Variants in SLC28A1 observed in about 807,000 individuals in gnomAD.
SLC28A1 encodes the protein sodium/nucleoside cotransporter 1.
A neutral mutation model predicts 74.8 loss-of-function variants in SLC28A1; 64 were observed. That is an observed-to-expected ratio of 0.86 (90% CI 0.70 to 1.05). The LOEUF is 1.05. SLC28A1 is among the 50% of genes least tolerant of loss of function. SLC28A1 has a pLI of 0.00. For missense variants in SLC28A1, 828 were observed against 822.8 expected (o/e 1.01, Z -0.08); for synonymous variants, 359 against 335.0 (o/e 1.07, Z -0.78).
At chr15:84,952,712 C>G in the SLC28A1 span, among the ~76,000 whole-genome samples, 5 of 152,194 alleles carry the variant, frequency 3.3e-5, no homozygotes, top group Non-Finnish European at 7.4e-5. Context: ...ATGGTGAAAC[C>G]AAGTCTCTAC....
chr15:84,957,726 G>A, the SLC28A1 span, among the ~76,000 whole-genome samples: 2 of 152,162 alleles, frequency 1.3e-5, no homozygotes, highest in African/African-American at 4.8e-5. Flanking sequence ...TAGCTTTGTA[G>A]GAAGGTTTGG....
the SLC28A1 span, among the ~76,000 whole-genome samples, chr15:84,970,151 A>C: frequency 1.3e-5 from 2 of 152,198 alleles, no homozygotes; most frequent in African/African-American, 4.8e-5. Context: ...TGCCATCCCC[A>C]GGTGCTAGCA....
chr15:84,930,841 C>G (rs1971185162), intron 12 of SLC28A1, among the ~76,000 whole-genome samples: 1 of 151,774 alleles, frequency 6.6e-6, no homozygotes, highest in Non-Finnish European at 1.5e-5. Context: ...GCGATCTCGG[C>G]TCATTGCAAC....
intron 15 of SLC28A1, chr15:84,939,550 A>G (rs929599317): frequency 7.2e-5 from 11 of 152,120 alleles, no homozygotes; most frequent in Non-Finnish European, 1.2e-4. Flanking sequence ...TATTTTCTAC[A>G]TATACTTTTC....
At chr15:84,930,893 C>G (rs1057503742) in intron 12 of SLC28A1, among the ~76,000 whole-genome samples, 2 of 152,004 alleles carry the variant, frequency 1.3e-5, no homozygotes, top group African/African-American at 2.4e-5. Context: ...CCTCAGCCTC[C>G]CGAGTAGCTG....
intron 15 of SLC28A1, among the ~76,000 whole-genome samples, chr15:84,939,296 G>A (rs1470698256): frequency 6.6e-6 from 1 of 152,054 alleles, no homozygotes. Flanking sequence ...CTCTAGCCTA[G>A]GTGACAGAGT....
chr15:84,892,106 G>A (rs558393794), intron 5 of SLC28A1, among the ~76,000 whole-genome samples: 1 of 152,196 alleles, frequency 6.6e-6, no homozygotes, highest in Admixed American at 6.5e-5. Context: ...GGAGGATGTA[G>A]TGGGAGGCTG....
Position 84,935,352 on chromosome 15 carries a change from C to G in SLC28A1, c.1415C>G (p.Ala472Gly), listed in dbSNP as rs757504155. The change falls in exon 15 of 19, where the codon GCC becomes GGC. Residue 472 changes from alanine (A) to glycine (G), a missense_variant. Ala to Gly is a moderately conservative substitution (Grantham distance 60, BLOSUM62 0). Coordinates refer to ENST00000394573, the MANE Select transcript of SLC28A1 (RefSeq NM_004213.5). Reference sequence around the variant, plus strand: ...TGCTCCTACATCCTGCGGCCTGTAGCCTTCTTGATGGGTGTGGCGTGGGAG... The same window carrying G: ...TGCTCCTACATCCTGCGGCCTGTAGGCTTCTTGATGGGTGTGGCGTGGGAG... Reference protein sequence around the residue: ...LICSYILRPVAFLMGVAWEDC... With the variant: ...LICSYILRPVGFLMGVAWEDC... The G allele has an allele frequency of 3.7e-6, 6 of 1,614,228 alleles. No individual in the cohort carries two copies. The South Asian group carries it at 6.6e-5, about 18-fold the overall frequency.
Position 84,924,086 on chromosome 15 carries a change from G to A in SLC28A1, c.1059G>A (p.Leu353=), listed in dbSNP as rs773443009. 1 of 1,613,682 alleles carries A rather than the reference G, an allele frequency of 6.2e-7. No individual in the cohort carries two copies. Among genetic ancestry groups the A allele is most frequent in the East Asian group, 2.2e-5 (1 of 44,824 alleles). Residue 353 remains leucine (L), a synonymous_variant, in exon 12 of 19, where the codon CTG becomes CTA. Transcript: ENST00000394573. ...GTTACGCCACCATTGCTGGCAGCCT[G>A]CTGGGTGCCTACATCTCCTTTGGGG... The part of the protein sequence containing the change: ...TGGYATIAGS[L]LGAYISFGID...
chr15:84,944,566 C>T lies in SLC28A1; in HGVS notation c.1664C>T (p.Thr555Ile), dbSNP rs1489614255. 1 of 1,611,318 alleles carries T rather than the reference C, an allele frequency of 6.2e-7. No homozygotes were observed. Among genetic ancestry groups the T allele is most frequent in the Admixed American group, 1.7e-5 (1 of 60,024 alleles). The change falls in exon 17 of 19, where the codon ACC becomes ATC. Residue 555 changes from threonine (T) to isoleucine (I), a missense_variant and splice_region_variant. This residue lies in a region of SLC28A1 where 767 missense variants were observed against 753.5 expected (regional missense o/e 1.02). Coordinates refer to ENST00000394573, the MANE Select transcript of SLC28A1 (RefSeq NM_004213.5). ...SSIGIMLGGL[T>I]SMVPQRKSDF... The stretch of plus-strand genomic sequence containing the variant: ...CCTGAGCACTTCTGTCCCCTTGCAG[C>T]CTCCATGGTCCCCCAACGGAAGAGC...
chr15:84,888,506 T>G (rs1453605373), intron 3 of SLC28A1, among the ~76,000 whole-genome samples: 1 of 151,856 alleles, frequency 6.6e-6, no homozygotes, highest in Non-Finnish European at 1.5e-5. Flanking sequence ...CCTCGGCCCC[T>G]CTCAGTCACA....
chr15:84,924,216 T>C, intron 12 of SLC28A1, 106 bp downstream of exon 12: 1 of 1,326,864 alleles, frequency 7.5e-7, no homozygotes, highest in Admixed American at 1.7e-5. Flanking sequence ...TCTTCTCTCT[T>C]GGGCCTGCTG....
At chr15:84,946,274 GA>G (rs1320112439), downstream of SLC28A1, among the ~76,000 whole-genome samples, 1 of 150,572 alleles carries the variant, frequency 6.6e-6, no homozygotes, top group Non-Finnish European at 1.5e-5. Context: ...CTTTTTGATG[GA>G]AGTGTCTCAG....
Position 84,904,147 on chromosome 15 carries a change from A to G in SLC28A1, c.512A>G (p.Asp171Gly), listed in dbSNP as rs772788617. 4 of 1,614,086 alleles carry G rather than the reference A, an allele frequency of 2.5e-6. No individual in the cohort carries two copies. The highest frequency in any genetic ancestry group is 3.4e-6 in the Non-Finnish European group (4 of 1,180,018). ...GGCCTGGTCCTGTGGCTGTCTCTGG[A>G]CACCTCCCAGCGGCCTGAGCAACTG... is the stretch of plus-strand genomic sequence containing the variant. ...FLGLVLWLSL[D>G]TSQRPEQLVS... The change falls in exon 7 of 19, where the codon GAC (aspartate) becomes GGC (glycine). Residue 171 changes from aspartate to glycine, a missense_variant. Transcript: ENST00000394573.
At chr15:84,965,755 A>G in the SLC28A1 span, among the ~76,000 whole-genome samples, 8 of 152,268 alleles carry the variant, frequency 5.3e-5, no homozygotes, top group East Asian at 1.2e-3. Flanking sequence ...GTCCTGGGCA[A>G]GCCAGGATAG....
the SLC28A1 span, among the ~76,000 whole-genome samples, chr15:84,967,626 G>C: frequency 3.3e-5 from 5 of 152,242 alleles, no homozygotes; most frequent in Non-Finnish European, 5.9e-5. Context: ...CCCTAGGAGA[G>C]ACTTGGCAGC....
chr15:84,935,479 G>A lies in SLC28A1; in HGVS notation c.1542G>A (p.Gly514=). 2 of 1,614,098 alleles carry A rather than the reference G, an allele frequency of 1.2e-6. No homozygotes were observed. The highest frequency in any genetic ancestry group is 1.7e-6 in the Non-Finnish European group (2 of 1,179,986). ...LSKYKQRRLA[G]AEEWVGDRKQ... ...AGTACAAGCAACGCCGCCTGGCAGG[G>A]GCCGAGGAGTGGGTCGGCGACAGGA... The change falls in exon 15 of 19, where the codon GGG becomes GGA. Residue 514 remains glycine (G), a synonymous_variant. Transcript: ENST00000394573.
chr15:84,943,295 G>T (rs536887883), intron 15 of SLC28A1, 150 bp from the exon 16 acceptor site: 2 of 674,654 alleles, frequency 3.0e-6, no homozygotes, highest in African/African-American at 1.8e-5. Context: ...AGGTGGGATT[G>T]CAAGGCTGGG....
At chr15:84,890,605 G>A in intron 5 of SLC28A1, 71 bp downstream of exon 5, 1 of 1,212,564 alleles carries the variant, frequency 8.2e-7, no homozygotes, top group Non-Finnish European at 1.2e-6. Flanking sequence ...TCAGGGCAGG[G>A]TCATTCACTC....
Sources: gnomAD v4.1 joint callset for allele counts (sites outside exome capture counted in the v4.1 genomes callset) on GRCh38, gnomAD v4.1.1 for gene constraint, gnomAD v4.1.1 regional missense constraint, MANE v1.5 for transcripts, NCBI Gene and HGNC (gene_info 2026-07-23, HGNC 2026-07-21) for gene names.